MMS22L: variants seen among roughly 807,000 people sequenced by gnomAD.
The protein encoded by MMS22L is MMS22 like, DNA repair protein, also known as protein MMS22-like.
In MMS22L, 74 loss-of-function variants were observed where a neutral mutation model predicts 159.1. That is an observed-to-expected ratio of 0.47 (90% confidence interval 0.39 to 0.56). The LOEUF (loss-of-function observed/expected upper bound fraction) is 0.56, where lower values mean the gene tolerates loss of function less well. Ranked by LOEUF, MMS22L falls within the 20% of genes least tolerant of loss-of-function variation. The pLI, the probability that MMS22L is intolerant of heterozygous loss-of-function variation, is 0.00. For synonymous variants in MMS22L, 517 were observed against 506.9 expected (o/e 1.02, Z -0.27); for missense variants, 1,351 against 1,422.1 (o/e 0.95, Z 0.80).
intron 11 of MMS22L, among the ~76,000 whole-genome samples, chr6:97,241,872 T>C (rs893251481): frequency 3.9e-4 from 59 of 152,370 alleles, no homozygotes; most frequent in African/African-American, 1.3e-3. Flanking sequence ...CTAAAGATCA[T>C]TCAGAAGCAG....
chr6:97,261,091 A>G (rs746354476), intron 9 of MMS22L: 1 of 152,134 alleles, frequency 6.6e-6, no homozygotes, highest in Non-Finnish European at 1.5e-5. Context: ...GTATCTTCAC[A>G]TTCTGGCAAT....
rs1815892594 is a variant in MMS22L, at chr6:97,272,923, GAATACAC to G, written c.428+45_429-43del. The G allele has an allele frequency of 5.0e-6, 8 of 1,606,222 alleles. No homozygotes were observed. In the Middle Eastern group the frequency reaches 6.7e-4, roughly 134 times the overall value. On this transcript the variant is annotated intron_variant, in intron 5 of 24. Coordinates refer to ENST00000683635, the MANE Select transcript of MMS22L (RefSeq NM_001350599.2). ...TAAAATAAACAACTAGAGTCTGTGTGAATACACACAGAAATTCATGCAGTGATCAAAA... is the reference window on the plus strand; with the variant it reads ...TAAAATAAACAACTAGAGTCTGTGTGACAGAAATTCATGCAGTGATCAAAA...
intron 19 of MMS22L, among the ~76,000 whole-genome samples, chr6:97,171,549 C>T (rs1045990039): frequency 1.3e-5 from 2 of 152,098 alleles, no homozygotes; most frequent in Admixed American, 1.3e-4. Flanking sequence ...ACAAAATCTA[C>T]AGAGGAGAGA....
intron 8 of MMS22L, chr6:97,267,642 TAAA>T (rs58513290): frequency 3.5e-3 from 678 of 191,322 alleles, no homozygotes; most frequent in East Asian, 9.6e-3. Context: ...CTATTTTTCT[TAAA>T]AAAAAAAAAA....
At chr6:97,279,247 GC>G (rs1184965951) in intron 3 of MMS22L, among the ~76,000 whole-genome samples, 1 of 152,154 alleles carries the variant, frequency 6.6e-6, no homozygotes, top group African/African-American at 2.4e-5. Context: ...ACTTTGGGAG[GC>G]CGAGGCGGGC....
chr6:97,165,310 A>C lies in MMS22L; in HGVS notation c.3157T>G (p.Leu1053Val). 1 of 1,613,412 alleles carries C rather than the reference A, an allele frequency of 6.2e-7. No individual in the cohort carries two copies. The highest frequency in any genetic ancestry group is 8.5e-7 in the Non-Finnish European group (1 of 1,179,622). ...GGTGGAATAGTGGCTGTGTTTCTCA[A>C]TGCCAGCAAAACAGGATGTTGTCCA... ...DLGQHPVLLA[L>V]RNTATIPPIS... Residue 1053 changes from leucine (L) to valine (V), a missense_variant, in exon 21 of 25, where the codon TTG (leucine) becomes GTG (valine). Physicochemically the swap from Leu to Val is conservative, Grantham distance 32 (BLOSUM62 1). Coordinates refer to ENST00000683635, the MANE Select transcript of MMS22L (RefSeq NM_001350599.2).
intron 23 of MMS22L, among the ~76,000 whole-genome samples, chr6:97,151,010 C>T (rs150951041): frequency 5.3e-5 from 8 of 152,202 alleles, no homozygotes; most frequent in African/African-American, 1.9e-4. Flanking sequence ...TTAAACATAA[C>T]GGAGCTTTCT....
In MMS22L at chr6:97,282,459, C is replaced by G. The variant is rs148255425; in HGVS notation, c.19G>C (p.Ala7Pro). 1.6e-4 allele frequency: 251 copies of G among 1,612,404 alleles called. No individual in the cohort carries two copies. The African/African-American group carries it at 3.1e-3, about 20-fold the overall frequency. Residue 7 changes from alanine to proline, a missense_variant, in exon 2 of 25, where the codon GCA (alanine) becomes CCA (proline). Physicochemically the swap from Ala to Pro is conservative, Grantham distance 27. Coordinates refer to ENST00000683635, the MANE Select transcript of MMS22L (RefSeq NM_001350599.2). MENCSAASTFLTDSLEL... is the reference protein window; with the variant it reads MENCSAPSTFLTDSLEL... ...AAGCTGTCAGTCAGGAACGTCGATG[C>G]AGCAGAACAGTTCTCCATTGTTTAC...
At chr6:97,156,422 A>G (rs1306955815) in intron 22 of MMS22L, among the ~76,000 whole-genome samples, 1 of 152,034 alleles carries the variant, frequency 6.6e-6, no homozygotes, top group Non-Finnish European at 1.5e-5. Flanking sequence ...TACTGCCTAG[A>G]TTTTATTCTA....
chr6:97,156,680 T>C (rs1801884451), intron 22 of MMS22L, among the ~76,000 whole-genome samples: 1 of 152,192 alleles, frequency 6.6e-6, no homozygotes, highest in African/African-American at 2.4e-5. Flanking sequence ...TGGACATCTG[T>C]GTTGGTACCA....
At position 97,229,037 on chromosome 6, in the gene MMS22L, T is replaced by C. The variant is rs1366438592; in HGVS notation, c.1896A>G (p.Gln632=). ...TLLSIYIDGV[Q]EVFETSYCLY... Reference sequence around the variant, plus strand: ...AGCAATAGCTGGTCTCAAACACTTCTTGAACACCATCAATGTATATGGAAA... The same window carrying C: ...AGCAATAGCTGGTCTCAAACACTTCCTGAACACCATCAATGTATATGGAAA... Residue 632 remains glutamine (Q), a synonymous_variant, in exon 14 of 25, where the codon CAA becomes CAG. Coordinates refer to ENST00000683635, the MANE Select transcript of MMS22L (RefSeq NM_001350599.2). 6.2e-7 allele frequency: 1 copy of C among 1,614,164 alleles called. No individual in the cohort carries two copies. The highest frequency in any genetic ancestry group is 1.1e-5 in the South Asian group (1 of 91,078).
At chr6:97,273,866 C>T (rs767377813) in intron 4 of MMS22L, among the ~76,000 whole-genome samples, 16 of 152,164 alleles carry the variant, frequency 1.1e-4, no homozygotes, top group Non-Finnish European at 7.3e-5. Context: ...TCCCCCTATA[C>T]ACTAAGTAAA....
chr6:97,199,530 A>G (rs1347500845), intron 14 of MMS22L, among the ~76,000 whole-genome samples: 2 of 152,108 alleles, frequency 1.3e-5, no homozygotes, highest in African/African-American at 2.4e-5. Context: ...GCACTGGAAA[A>G]GTAGTGTTCT....
intron 14 of MMS22L, among the ~76,000 whole-genome samples, chr6:97,190,487 T>A (rs1243089466): frequency 6.6e-6 from 1 of 152,140 alleles, no homozygotes; most frequent in Non-Finnish European, 1.5e-5. Flanking sequence ...CTCTCTTACA[T>A]TATAAAAGAT....
chr6:97,204,600 TG>T (rs1807548391), intron 14 of MMS22L, among the ~76,000 whole-genome samples: 1 of 152,016 alleles, frequency 6.6e-6, no homozygotes, highest in Admixed American at 6.6e-5. Flanking sequence ...GAGACTAGCC[TG>T]GGCAATAAGT....
At position 97,281,359 on chromosome 6, in the gene MMS22L, C is replaced by A; in HGVS notation, c.168G>T (p.Leu56Phe). ...SYLCSGALKR[L>F]ILNLDPLPTN... Reference sequence around the variant, plus strand: ...TTGGTAAAGGGTCAAGATTCAAAATCAATCTGAAATGAAAATTGTTTCAAT... The same window carrying A: ...TTGGTAAAGGGTCAAGATTCAAAATAAATCTGAAATGAAAATTGTTTCAAT... Residue 56 changes from leucine to phenylalanine, a missense_variant, in exon 3 of 25, where the codon TTG (leucine) becomes TTT (phenylalanine). By Grantham distance (22) the Leu-to-Phe change is conservative. Coordinates refer to ENST00000683635, the MANE Select transcript of MMS22L (RefSeq NM_001350599.2). 2 of 1,592,928 alleles carry A rather than the reference C, an allele frequency of 1.3e-6. No individual in the cohort carries two copies. Among genetic ancestry groups the A allele is most frequent in the South Asian group, 2.3e-5 (2 of 88,082 alleles).
At chr6:97,274,097 A>G (rs1382302443) in intron 4 of MMS22L, among the ~76,000 whole-genome samples, 1 of 152,188 alleles carries the variant, frequency 6.6e-6, no homozygotes, top group Non-Finnish European at 1.5e-5. Flanking sequence ...GGTAGTTACT[A>G]TGGGCAAAAC....
intron 21 of MMS22L, 50 bp downstream of exon 21, chr6:97,165,196 T>C: frequency 1.3e-6 from 2 of 1,528,140 alleles, no homozygotes; most frequent in Non-Finnish European, 1.8e-6. Context: ...ATCACTTTAA[T>C]AGAGCTTAAT....
chr6:97,204,363 A>T (rs1807521121), intron 14 of MMS22L, among the ~76,000 whole-genome samples: 1 of 152,206 alleles, frequency 6.6e-6, no homozygotes. Context: ...GGTTAAGATA[A>T]CATTAACTGG....
Sources: gnomAD v4.1 joint callset for allele counts (sites outside exome capture counted in the v4.1 genomes callset) on GRCh38, gnomAD v4.1.1 for gene constraint, MANE v1.5 for transcripts, NCBI Gene and HGNC (gene_info 2026-07-23, HGNC 2026-07-21) for gene names.